The following PUDP variants were observed in gnomAD, a reference collection of about 807,000 sequenced individuals.
PUDP encodes pseudouridine 5'-phosphatase.
PUDP carries 8 observed loss-of-function variants against 9.4 expected under a neutral mutation model. The ratio of observed to expected loss-of-function variants is 0.85; its 90% CI spans 0.50 to 1.53. PUDP has a LOEUF of 1.53. Ranked by LOEUF, PUDP falls within the 40% of genes most tolerant of loss-of-function variation. The pLI, the probability that PUDP is intolerant of heterozygous loss-of-function variation, is 0.00. For synonymous variants in PUDP, 99 were observed against 80.7 expected (o/e 1.23, Z -1.22); for missense variants, 188 against 189.7 (o/e 0.99, Z 0.05).
intron 1 of PUDP, among the ~76,000 whole-genome samples, chrX:7,140,866 T>G (rs1191132457): frequency 2.7e-5 from 3 of 112,353 alleles, no homozygotes; most frequent in Non-Finnish European, 3.8e-5. Flanking sequence ...TTTTGGTAAT[T>G]CTTGCAATAT....
At chrX:6,785,082 GAA>G (rs1925625428) in intron 3 of PUDP, among the ~76,000 whole-genome samples, 1 of 112,423 alleles carries the variant, frequency 8.9e-6, no homozygotes, top group Admixed American at 9.4e-5. Context: ...TGATTTCCAT[GAA>G]TAACTAAATT....
At chrX:6,816,350 A>AT (rs1261972824) in intron 3 of PUDP, among the ~76,000 whole-genome samples, 4 of 104,284 alleles carry the variant, frequency 3.8e-5, no homozygotes, top group Non-Finnish European at 5.8e-5. Context: ...GTATTTTTAT[A>AT]TATACATATA....
chrX:6,751,369 G>C (rs1474644780), intron 3 of PUDP, among the ~76,000 whole-genome samples: 1 of 111,037 alleles, frequency 9.0e-6, no homozygotes, highest in East Asian at 2.8e-4. Flanking sequence ...AATTCCCTTC[G>C]CAAAGTCTCT....
At chrX:7,003,749 G>C (rs1055082044) in intron 1 of PUDP, among the ~76,000 whole-genome samples, 3 of 112,079 alleles carry the variant, frequency 2.7e-5, no homozygotes, top group African/African-American at 9.8e-5. Context: ...GGTTGGGAAA[G>C]AGAGTATTTA....
At chrX:6,972,194 T>G (rs1928887722) in intron 3 of PUDP, among the ~76,000 whole-genome samples, 1 of 112,009 alleles carries the variant, frequency 8.9e-6, no homozygotes, top group African/African-American at 3.2e-5. Flanking sequence ...TTGAACATCC[T>G]TTATTTCTTT....
intron 3 of PUDP, among the ~76,000 whole-genome samples, chrX:6,932,566 A>T (rs1207208217): frequency 1.8e-5 from 2 of 111,244 alleles, no homozygotes; most frequent in South Asian, 3.9e-4. Flanking sequence ...TGATTTCTGC[A>T]TTTCCATCTG....
At chrX:6,817,014 C>CT (rs1347515476) in intron 3 of PUDP, among the ~76,000 whole-genome samples, 1 of 90,404 alleles carries the variant, frequency 1.1e-5, no homozygotes, top group African/African-American at 4.3e-5. Context: ...TATATATACA[C>CT]ATATAGTATA....
At chrX:6,708,273 C>A (rs1924493165) in intron 1 of PUDP, among the ~76,000 whole-genome samples, 1 of 111,302 alleles carries the variant, frequency 9.0e-6, no homozygotes, top group South Asian at 3.8e-4. Context: ...AGCAAGGATG[C>A]CCCAAGCAGT....
intron 1 of PUDP, among the ~76,000 whole-genome samples, chrX:7,013,348 A>G (rs1205459507): frequency 1.8e-5 from 2 of 112,226 alleles, no homozygotes; most frequent in Non-Finnish European, 3.8e-5. Context: ...TAATCAATCC[A>G]ATATCAACTT....
intron 3 of PUDP, among the ~76,000 whole-genome samples, chrX:7,068,710 G>C (rs1681688245): frequency 8.9e-6 from 1 of 112,257 alleles, no homozygotes; most frequent in Admixed American, 9.4e-5. Context: ...GGAGGGACAG[G>C]AGCAGGCTGA....
chrX:6,819,524 G>A (rs1569105529), intron 3 of PUDP, among the ~76,000 whole-genome samples: 1 of 112,416 alleles, frequency 8.9e-6, no homozygotes, highest in Non-Finnish European at 1.9e-5. Context: ...GCTACTAAAC[G>A]AAATTTGAAA....
chrX:6,800,802 G>C (rs1257257291), intron 3 of PUDP, among the ~76,000 whole-genome samples: 4 of 111,503 alleles, frequency 3.6e-5, no homozygotes, highest in African/African-American at 1.3e-4. Context: ...TAAAATAGAG[G>C]GTCCCATTCT....
intron 3 of PUDP, among the ~76,000 whole-genome samples, chrX:6,932,431 C>T (rs1928205860): frequency 8.9e-6 from 1 of 111,881 alleles, no homozygotes. Context: ...ATCCATTGTG[C>T]TTGGTAACCC....
At chrX:6,990,813 C>T (rs967650164) in intron 1 of PUDP, among the ~76,000 whole-genome samples, 11 of 112,543 alleles carry the variant, frequency 9.8e-5, no homozygotes, top group African/African-American at 3.6e-4. Flanking sequence ...AGAGGGAGAG[C>T]CAGCAGGTTG....
chrX:6,815,838 C>T (rs1426487030), intron 3 of PUDP, among the ~76,000 whole-genome samples: 2 of 109,399 alleles, frequency 1.8e-5, no homozygotes, highest in African/African-American at 3.3e-5. Context: ...ATACCAAATC[C>T]TCCCATAACT....
downstream of PUDP, among the ~76,000 whole-genome samples, chrX:7,045,463 G>A (rs965775897): frequency 8.9e-6 from 1 of 111,924 alleles, no homozygotes; most frequent in Non-Finnish European, 1.9e-5. Context: ...CCAGGCTTCT[G>A]GTCTAGCTTG....
chrX:6,743,899 T>C (rs1484026822), intron 3 of PUDP, among the ~76,000 whole-genome samples: 2 of 112,149 alleles, frequency 1.8e-5, no homozygotes, highest in East Asian at 5.6e-4. Context: ...TATTTTTTGG[T>C]GTCATTTATA....
chrX:6,910,098 A>G (rs1164753994), intron 3 of PUDP, among the ~76,000 whole-genome samples: 1 of 111,863 alleles, frequency 8.9e-6, no homozygotes, highest in Non-Finnish European at 1.9e-5. Flanking sequence ...TGCACATGCT[A>G]TGGTTGTACT....
chrX:6,898,321 C>T (rs893275342), intron 3 of PUDP, among the ~76,000 whole-genome samples: 2 of 112,734 alleles, frequency 1.8e-5, no homozygotes, highest in Non-Finnish European at 3.7e-5. Flanking sequence ...GTTTTTCTTT[C>T]GGCAAAAGAC....
Sources: allele counts gnomAD v4.1 joint callset (sites outside exome capture counted in the v4.1 genomes callset), GRCh38; gene constraint gnomAD v4.1.1; transcripts MANE v1.5; gene names NCBI Gene and HGNC (gene_info 2026-07-23, HGNC 2026-07-21).